HSP90AA1: variants seen among roughly 807,000 people sequenced by gnomAD.
HSP90AA1 encodes heat shock protein HSP 90-alpha.
HSP90AA1 carries 18 observed loss-of-function variants against 73.3 expected under a neutral mutation model. The observed-to-expected ratio is 0.25, with a 90% CI of 0.17 to 0.36. HSP90AA1 has a LOEUF of 0.36. Among genes scored for constraint, HSP90AA1 ranks in the 10% least tolerant of loss-of-function variants. HSP90AA1 has a pLI of 1.00. For synonymous variants in HSP90AA1, 477 were observed against 296.9 expected, an observed-to-expected ratio of 1.61 and a Z score of -6.24; for missense variants, 704 against 874.2, an observed-to-expected ratio of 0.81 and a Z score of 2.45.
At chr14:102,125,688 A>C (rs1240129274) in intron 1 of HSP90AA1, among the ~76,000 whole-genome samples, 1 of 152,250 alleles carries the variant, frequency 6.6e-6, no homozygotes, top group Non-Finnish European at 1.5e-5. Flanking sequence ...GAAAGCATGC[A>C]TGAGCATATT....
Position 102,139,318 on chromosome 14 carries a change from G to GT in HSP90AA1, c.86dup (p.Tyr29Ter). Residue 29 changes from tyrosine (Y) to a stop codon, truncating the protein, a stop_gained and frameshift_variant, in exon 1 of 12, where the codon TAC becomes TAAC. Coordinates refer to the HSP90AA1 transcript ENST00000334701. LOFTEE classifies it high-confidence loss of function. ...GGCGGGGATCCAGACGGTCGCGCGG[G>GT]TATTCAGCACTCTGGGCGGGACAGT... 3 of 1,613,802 alleles carry GT rather than the reference G, an allele frequency of 1.9e-6. No homozygotes were observed. The highest frequency in any genetic ancestry group is 1.3e-5 in the African/African-American group (1 of 75,048).
At position 102,081,782 on chromosome 14, in the gene HSP90AA1, G is replaced by C. The variant is rs541958924; in HGVS notation, c.2129C>G (p.Ala710Gly). ...GGGTGGCATTTCTTCAGTTACAGCAGCACTGGTATCATCAGCAGTAGGGTC... is the reference window on the plus strand; with the variant it reads ...GGGTGGCATTTCTTCAGTTACAGCACCACTGGTATCATCAGCAGTAGGGTC... Reference protein sequence around the residue: ...EDDPTADDTSAAVTEEMPPLE... With the variant: ...EDDPTADDTSGAVTEEMPPLE... The change falls in exon 11 of 11, where the codon GCT becomes GGT. Residue 710 changes from alanine (A) to glycine (G), a missense_variant. Ala to Gly is a moderately conservative substitution (Grantham distance 60). Coordinates refer to ENST00000216281, the MANE Select transcript of HSP90AA1 (RefSeq NM_005348.4). 3 of 1,587,706 alleles carry C rather than the reference G, an allele frequency of 1.9e-6. No homozygotes were observed. Among genetic ancestry groups the C allele is most frequent in the East Asian group, 4.5e-5 (2 of 44,772 alleles).
At chr14:102,098,071 C>T (rs1267451711) in intron 2 of HSP90AA1, among the ~76,000 whole-genome samples, 4 of 152,182 alleles carry the variant, frequency 2.6e-5, no homozygotes, top group Non-Finnish European at 4.4e-5. Context: ...CTGCCACCTC[C>T]AGGGAGAGGG....
intron 1 of HSP90AA1, among the ~76,000 whole-genome samples, chr14:102,128,505 T>C (rs932698099): frequency 3.3e-5 from 5 of 151,934 alleles, no homozygotes; most frequent in Non-Finnish European, 7.4e-5. Flanking sequence ...GGCGGGCGCC[T>C]GTAATCCCAG....
At chr14:102,106,169 T>C (rs72698523) in intron 1 of HSP90AA1, among the ~76,000 whole-genome samples, 10 of 152,272 alleles carry the variant, frequency 6.6e-5, no homozygotes, top group Non-Finnish European at 1.2e-4. Flanking sequence ...GTTTACATTG[T>C]GTATTGGTAG....
In HSP90AA1 at chr14:102,083,685, T is replaced by A. The variant is rs765663085; in HGVS notation, c.1347A>T (p.Ile449=). ...TCTTCCGATTTTGAGAGTCTTCGTG[T>A]ATTCCAAGCTGAAACAAAGTATGTT... The part of the protein sequence containing the change: ...EQFSKNIKLG[I]HEDSQNRKKL... The change falls in exon 8 of 11, where the codon ATA becomes ATT. Residue 449 remains isoleucine, a synonymous_variant. Coordinates refer to ENST00000216281, the MANE Select transcript of HSP90AA1 (RefSeq NM_005348.4). 2.5e-6 allele frequency: 4 copies of A among 1,612,502 alleles called. No homozygotes were observed. The highest frequency in any genetic ancestry group is 2.5e-6 in the Non-Finnish European group (3 of 1,179,526).
chr14:102,083,460 C>G, intron 8 of HSP90AA1, 86 bp downstream of exon 8: 1 of 1,441,190 alleles, frequency 6.9e-7, no homozygotes, highest in Non-Finnish European at 9.7e-7. Flanking sequence ...CCAGTTGTAA[C>G]AGTGCTACCT....
chr14:102,138,424 C>T (rs182746463), intron 1 of HSP90AA1, among the ~76,000 whole-genome samples: 4 of 152,130 alleles, frequency 2.6e-5, no homozygotes, highest in East Asian at 3.9e-4. Flanking sequence ...TAGGGAAAGT[C>T]GGATAACATC....
intron 1 of HSP90AA1, among the ~76,000 whole-genome samples, chr14:102,127,961 T>C (rs1472447547): frequency 6.6e-6 from 1 of 152,132 alleles, no homozygotes; most frequent in African/African-American, 2.4e-5. Flanking sequence ...TTGTTTTTAA[T>C]TGGAGAAAGA....
At chr14:102,114,743 T>C (rs921349228) in intron 1 of HSP90AA1, among the ~76,000 whole-genome samples, 1 of 152,124 alleles carries the variant, frequency 6.6e-6, no homozygotes, top group Non-Finnish European at 1.5e-5. Flanking sequence ...TTGCTGACTG[T>C]AATCCCGGCA....
chr14:102,112,322 G>A (rs183745670), intron 1 of HSP90AA1, among the ~76,000 whole-genome samples: 5 of 152,152 alleles, frequency 3.3e-5, no homozygotes, highest in East Asian at 1.9e-4. Context: ...ACAGGTGCCC[G>A]CCACCACACC....
chr14:102,121,890 C>T (rs369697682), intron 1 of HSP90AA1, among the ~76,000 whole-genome samples: 5 of 151,960 alleles, frequency 3.3e-5, no homozygotes, highest in Non-Finnish European at 5.9e-5. Flanking sequence ...GATGTTAATC[C>T]CTTGCCATAT....
At position 102,081,112 on chromosome 14, in the gene HSP90AA1, T is replaced by C. The variant is rs2049087815; in HGVS notation, c.*600A>G. The C allele has an allele frequency of 4.4e-6, 1 of 229,832 alleles. No individual in the cohort carries two copies. Among genetic ancestry groups the C allele is most frequent in the Non-Finnish European group, 8.6e-6 (1 of 115,798 alleles). 14.2% of individuals were successfully genotyped at this position (229,832 alleles called of 1,614,324 possible). A position where few individuals can be genotyped will look rare whatever the true frequency, so the allele number is the denominator to read the frequency against. On this transcript the variant is annotated 3_prime_UTR_variant, in exon 11 of 11. Coordinates refer to ENST00000216281, the MANE Select transcript of HSP90AA1 (RefSeq NM_005348.4). ...ATGTGACTCGAGCACTACATTTCCATCCACAAGACTGGGTCTGAGTTATTT... is the reference window on the plus strand; with the variant it reads ...ATGTGACTCGAGCACTACATTTCCACCCACAAGACTGGGTCTGAGTTATTT...
intron 1 of HSP90AA1, among the ~76,000 whole-genome samples, chr14:102,138,301 C>G (rs2050080910): frequency 6.6e-6 from 1 of 152,074 alleles, no homozygotes; most frequent in Non-Finnish European, 1.5e-5. Context: ...CAAGATGCCA[C>G]TATCCTTCAA....
chr14:102,085,565 T>C, intron 3 of HSP90AA1, 134 bp from the exon 4 acceptor site: 1 of 1,196,450 alleles, frequency 8.4e-7, no homozygotes, highest in Non-Finnish European at 1.2e-6. Flanking sequence ...CAGCAGAACC[T>C]TTTGGGCAAG....
chr14:102,110,405 TG>T (rs1555363474), intron 1 of HSP90AA1, among the ~76,000 whole-genome samples: 1 of 10,130 alleles, frequency 9.9e-5, no homozygotes, highest in Non-Finnish European at 4.1e-4. Flanking sequence ...CATTCAGTTT[TG>T]TTTGTTTGTT....
At chr14:102,095,288 G>A (rs959846565) in intron 2 of HSP90AA1, among the ~76,000 whole-genome samples, 12 of 152,174 alleles carry the variant, frequency 7.9e-5, no homozygotes, top group Non-Finnish European at 4.4e-5. Flanking sequence ...GGGACAGGAG[G>A]CTGTGCCTGT....
chr14:102,085,982 T>G lies in HSP90AA1; in HGVS notation c.305A>C (p.Asp102Ala). The change falls in exon 3 of 11, where the codon GAC becomes GCC. Residue 102 changes from aspartate to alanine, a missense_variant. Transcript: ENST00000216281. ...VDTGIGMTKA[D>A]LINNLGTIAK... is the part of the protein sequence containing the mutation. The stretch of plus-strand genomic sequence containing the variant: ...GATAGTACCAAGGTTATTGATCAAG[T>G]CAGCCTTGGTCATTCCAATTCCAGT... 6.2e-7 allele frequency: 1 copy of G among 1,613,956 alleles called. No homozygotes were observed. Among genetic ancestry groups the G allele is most frequent in the Admixed American group, 1.7e-5 (1 of 60,016 alleles).
intron 1 of HSP90AA1, among the ~76,000 whole-genome samples, chr14:102,119,981 C>T (rs1016770058): frequency 2.6e-5 from 4 of 152,098 alleles, no homozygotes; most frequent in East Asian, 1.9e-4. Context: ...GCTATAAAAA[C>T]TTAAGAATCA....
Sources: gnomAD v4.1 joint callset for allele counts (sites outside exome capture counted in the v4.1 genomes callset) on GRCh38, gnomAD v4.1.1 for gene constraint, MANE v1.5 for transcripts, NCBI Gene and HGNC (gene_info 2026-07-23, HGNC 2026-07-21) for gene names.